The following NRCAM variants were observed in gnomAD, a reference collection of about 807,000 sequenced individuals.
The protein encoded by NRCAM is NgCAM-related cell adhesion molecule.
NRCAM carries 83 observed loss-of-function variants against 156.5 expected under a neutral mutation model. The observed-to-expected ratio is 0.53, with a 90% CI of 0.44 to 0.64. The LOEUF (loss-of-function observed/expected upper bound fraction) is 0.64. Among genes scored for constraint, NRCAM ranks in the 30% least tolerant of loss-of-function variants. NRCAM has a pLI of 0.00. For synonymous variants in NRCAM, 538 were observed against 563.9 expected (o/e 0.95, Z 0.65); for missense variants, 1,417 against 1,597.3 (o/e 0.89, Z 1.92).
At chr7:108,262,802 CTTTGT>C in intron 3 of NRCAM, among the ~76,000 whole-genome samples, 1 of 152,286 alleles carries the variant, frequency 6.6e-6, no homozygotes. Flanking sequence ...AAGTGTTCTG[CTTTGT>C]TGGCTAGATT....
Position 108,272,923 on chromosome 7 carries a change from G to C in NRCAM, c.-106-32753C>G, listed in dbSNP as rs146095935. 6.4e-3 allele frequency among the ~76,000 whole-genome samples: 970 copies of C among 152,132 alleles called. 9 individuals carry two copies. The highest frequency in any genetic ancestry group is 0.02 in the African/African-American group (815 of 41,492). ...GCCCCCCACCTGCCAACAGGCCCTG[G>C]TGTGTGATATTCCCCTCCCTGTGTC... On this transcript the variant is annotated intron_variant, in intron 3 of 32. Transcript: ENST00000379028.
intron 2 of NRCAM, among the ~76,000 whole-genome samples, chr7:108,333,178 T>C (rs1369817975): frequency 1.3e-5 from 2 of 152,230 alleles, no homozygotes; most frequent in Non-Finnish European, 2.9e-5. Flanking sequence ...TTTCCATTGC[T>C]ATAGCAATAA....
At chr7:108,225,164 A>T (rs1375970927) in intron 10 of NRCAM, among the ~76,000 whole-genome samples, 1 of 152,202 alleles carries the variant, frequency 6.6e-6, no homozygotes, top group Non-Finnish European at 1.5e-5. Flanking sequence ...AAACTAAGAG[A>T]GAAATCTCAT....
intron 2 of NRCAM, among the ~76,000 whole-genome samples, chr7:108,319,814 GA>G (rs1356989314): frequency 6.6e-6 from 1 of 152,148 alleles, no homozygotes; most frequent in Admixed American, 6.5e-5. Flanking sequence ...AAAAGCAGGG[GA>G]TAAGAGGGAC....
chr7:108,297,680 A>T (rs1195899684), intron 3 of NRCAM, among the ~76,000 whole-genome samples: 1 of 152,014 alleles, frequency 6.6e-6, no homozygotes, highest in Non-Finnish European at 1.5e-5. Flanking sequence ...AGGGAAACAT[A>T]AAAAAAACAA....
intron 19 of NRCAM, 54 bp from the exon 20 acceptor site, chr7:108,189,800 T>C: frequency 2.7e-6 from 2 of 733,922 alleles, no homozygotes; most frequent in East Asian, 5.2e-5. Context: ...TAAGAGGCTC[T>C]CCTTTACTCG....
intron 13 of NRCAM, among the ~76,000 whole-genome samples, chr7:108,205,016 A>T (rs2080371052): frequency 1.3e-5 from 2 of 152,216 alleles, no homozygotes; most frequent in Non-Finnish European, 2.9e-5. Context: ...GACTGGATTT[A>T]CAAGGTTCCC....
chr7:108,382,943 G>A (rs953159299), intron 2 of NRCAM, among the ~76,000 whole-genome samples: 1 of 152,150 alleles, frequency 6.6e-6, no homozygotes, highest in African/African-American at 2.4e-5. Flanking sequence ...GTGAATTGGA[G>A]GAAATCACTA....
At chr7:108,323,115 C>T (rs1384286911) in intron 2 of NRCAM, among the ~76,000 whole-genome samples, 1 of 152,134 alleles carries the variant, frequency 6.6e-6, no homozygotes, top group East Asian at 1.9e-4. Context: ...GGGTTTTAGT[C>T]AGAGGTGAAT....
intron 3 of NRCAM, among the ~76,000 whole-genome samples, chr7:108,275,347 A>G (rs1165636094): frequency 6.6e-6 from 1 of 152,178 alleles, no homozygotes; most frequent in East Asian, 1.9e-4. Context: ...GGTAGAATTC[A>G]GCTGGGAATC....
chr7:108,246,853 A>G (rs763161995), intron 3 of NRCAM, among the ~76,000 whole-genome samples: 45 of 152,214 alleles, frequency 3.0e-4, no homozygotes, highest in Non-Finnish European at 5.9e-4. Flanking sequence ...CCTTCCCAGT[A>G]TCCATGCCCT....
intron 1 of NRCAM, among the ~76,000 whole-genome samples, chr7:108,447,828 C>T (rs1846149738): frequency 6.6e-6 from 1 of 152,188 alleles, no homozygotes; most frequent in African/African-American, 2.4e-5. Flanking sequence ...ACCCAAAGTA[C>T]TACAGTAAAA....
chr7:108,408,049 A>T (rs1790613097), intron 1 of NRCAM, among the ~76,000 whole-genome samples: 1 of 152,242 alleles, frequency 6.6e-6, no homozygotes, highest in Admixed American at 6.5e-5. Flanking sequence ...TGATAAGGGA[A>T]TATTTTTAAA....
chr7:108,348,048 T>C (rs1156255432), intron 2 of NRCAM, among the ~76,000 whole-genome samples: 1 of 152,234 alleles, frequency 6.6e-6, no homozygotes, highest in Non-Finnish European at 1.5e-5. Flanking sequence ...CATTCTGTAT[T>C]CATCTTTGTG....
At chr7:108,234,360 A>AG (rs1369303615) in intron 6 of NRCAM, among the ~76,000 whole-genome samples, 2 of 152,144 alleles carry the variant, frequency 1.3e-5, no homozygotes, top group African/African-American at 2.4e-5. Flanking sequence ...AGGGATATGC[A>AG]GGACCCAAGA....
intron 9 of NRCAM, among the ~76,000 whole-genome samples, chr7:108,225,955 G>C (rs890982053): frequency 1.3e-5 from 2 of 152,158 alleles, no homozygotes; most frequent in Non-Finnish European, 2.9e-5. Flanking sequence ...ACACATAAAT[G>C]CTCAGAACAC....
intron 3 of NRCAM, among the ~76,000 whole-genome samples, chr7:108,281,757 C>G (rs1234827175): frequency 6.6e-6 from 1 of 152,204 alleles, no homozygotes; most frequent in Non-Finnish European, 1.5e-5. Context: ...ACCATGCCAG[C>G]AGGCCTGAGC....
chr7:108,200,503 T>C (rs943356032), intron 13 of NRCAM, among the ~76,000 whole-genome samples: 16 of 152,172 alleles, frequency 1.1e-4, no homozygotes, highest in Admixed American at 7.9e-4. Context: ...CCAAGTCTTG[T>C]ATGACTGGGG....
At chr7:108,324,699 T>C (rs2099045135) in intron 2 of NRCAM, among the ~76,000 whole-genome samples, 1 of 152,106 alleles carries the variant, frequency 6.6e-6, no homozygotes, top group Admixed American at 6.6e-5. Context: ...GGCCAACAGC[T>C]TCCACTTTCA....
Sources: gnomAD v4.1 joint callset for allele counts (sites outside exome capture counted in the v4.1 genomes callset) on GRCh38, gnomAD v4.1.1 for gene constraint, MANE v1.5 for transcripts, NCBI Gene and HGNC (gene_info 2026-07-23, HGNC 2026-07-21) for gene names.